DNAH14: variants seen among roughly 807,000 people sequenced by gnomAD.
DNAH14 encodes the protein dynein axonemal heavy chain 14, also known as axonemal beta dynein heavy chain 14.
DNAH14 carries 478 observed loss-of-function variants against 520.9 expected under a neutral mutation model. The observed-to-expected ratio is 0.92, with a 90% CI of 0.85 to 0.99. The LOEUF (loss-of-function observed/expected upper bound fraction) is 0.99, where lower values mean the gene tolerates loss of function less well. Among genes scored for constraint, DNAH14 ranks in the 50% least tolerant of loss-of-function variants. The pLI is 0.00. For missense variants in DNAH14, 4,831 were observed against 5,234.5 expected (o/e 0.92, Z 2.38); for synonymous variants, 1,581 against 1,757.2 (o/e 0.90, Z 2.51).
intron 17 of DNAH14, among the ~76,000 whole-genome samples, chr1:225,074,328 G>T (rs567941968): frequency 2.4e-4 from 37 of 152,196 alleles, no homozygotes; most frequent in Non-Finnish European, 4.6e-4. Flanking sequence ...ACCTCTGTCC[G>T]CTGGAGAACA....
At chr1:225,126,132 C>A (rs1309447335) in intron 27 of DNAH14, among the ~76,000 whole-genome samples, 1 of 152,038 alleles carries the variant, frequency 6.6e-6, no homozygotes, top group Non-Finnish European at 1.5e-5. Flanking sequence ...TTGCAGATCA[C>A]CATAACAGAT....
intron 35 of DNAH14, among the ~76,000 whole-genome samples, chr1:225,164,785 C>T (rs1421619553): frequency 6.6e-6 from 1 of 152,080 alleles, no homozygotes; most frequent in Non-Finnish European, 1.5e-5. Flanking sequence ...CTTTGGTCTT[C>T]CCCACACTTC....
intron 46 of DNAH14, among the ~76,000 whole-genome samples, chr1:225,261,317 A>G (rs1229510010): frequency 2.0e-5 from 3 of 152,140 alleles, no homozygotes; most frequent in Admixed American, 2.0e-4. Context: ...CATTCCTTCT[A>G]TACCTAAGTT....
At chr1:225,282,083 A>G (rs1034183603) in intron 54 of DNAH14, among the ~76,000 whole-genome samples, 5 of 152,248 alleles carry the variant, frequency 3.3e-5, no homozygotes, top group South Asian at 4.1e-4. Context: ...CACGCTAAAT[A>G]TATGTGTAGT....
chr1:225,357,338 G>A (rs1426704467), intron 73 of DNAH14, among the ~76,000 whole-genome samples: 3 of 151,852 alleles, frequency 2.0e-5, no homozygotes, highest in African/African-American at 7.3e-5. Flanking sequence ...TAGTCCTCAA[G>A]GTTAAAATTT....
rs138854881 is a variant in DNAH14, at chr1:225,351,600, G to A, written c.11297-47G>A. ...CTACTTTGTAATGAATAACTAAAAG[G>A]TAAAGGTTTATCTCTTCTAATGTGA... is the stretch of plus-strand genomic sequence containing the variant. On this transcript the variant is annotated intron_variant, in intron 71 of 85. Coordinates refer to ENST00000682510, the MANE Select transcript of DNAH14 (RefSeq NM_001367479.1). 1.7e-3 allele frequency: 2,299 copies of A among 1,383,100 alleles called. 6 individuals carry two copies. The highest frequency in any genetic ancestry group is 6.0e-3 in the African/African-American group (410 of 68,590). 85.7% of individuals were successfully genotyped at this position (1,383,100 alleles called of 1,614,324 possible). A position where few individuals can be genotyped will look rare whatever the true frequency, so the allele number is the denominator to read the frequency against.
intron 17 of DNAH14, among the ~76,000 whole-genome samples, chr1:225,069,994 A>G (rs538158460): frequency 2.0e-4 from 31 of 152,112 alleles, no homozygotes; most frequent in Middle Eastern, 3.2e-3. Context: ...TTATGTCTGT[A>G]GAGGTATTCA....
intron 76 of DNAH14, 81 bp downstream of exon 76, chr1:225,364,975 GT>G (rs753819550): frequency 9.8e-7 from 1 of 1,021,428 alleles, no homozygotes; most frequent in Non-Finnish European, 1.4e-6. Flanking sequence ...AAAACTCTGA[GT>G]TTAAAAGAGA....
chr1:225,109,273 G>A (rs2076307644), intron 23 of DNAH14, among the ~76,000 whole-genome samples: 1 of 151,978 alleles, frequency 6.6e-6, no homozygotes, highest in Admixed American at 6.6e-5. Context: ...ACTCTGATAG[G>A]GACTGCATTG....
intron 37 of DNAH14, among the ~76,000 whole-genome samples, chr1:225,187,422 C>G (rs2084896251): frequency 6.6e-6 from 1 of 151,588 alleles, no homozygotes. Context: ...TTTTTTCTAC[C>G]TTTTGGATGC....
At position 225,153,825 on chromosome 1, in the gene DNAH14, T is replaced by C. The variant is rs748730110; in HGVS notation, c.5272T>C (p.Cys1758Arg). ...MAGTKKREFKCDTSDSLSEAD... is the reference protein window; with the variant it reads ...MAGTKKREFKRDTSDSLSEAD... ...TGGAACGAAGAAACGGGAGTTTAAA[T>C]GGTCAGTTGAATTTTGAATTGTTAG... The change falls in exon 34 of 86, where the codon TGT (cysteine) becomes CGT (arginine). Residue 1758 changes from cysteine (C) to arginine (R), a missense_variant and splice_region_variant. Cys to Arg is a radical substitution (Grantham distance 180). Coordinates refer to ENST00000682510, the MANE Select transcript of DNAH14 (RefSeq NM_001367479.1). 11 of 1,548,890 alleles carry C rather than the reference T, an allele frequency of 7.1e-6. No homozygotes were observed. The highest frequency in any genetic ancestry group is 8.7e-6 in the Non-Finnish European group (10 of 1,145,310).
At position 225,101,008 on chromosome 1, in the gene DNAH14, T is replaced by A. The variant is rs115321788; in HGVS notation, c.3867+124T>A. 994 of 746,120 alleles carry A rather than the reference T, an allele frequency of 1.3e-3. 5 individuals are homozygous for A. In the African/African-American group the frequency reaches 0.016, roughly 12 times the overall value. 46.2% of individuals were successfully genotyped at this position (746,120 alleles called of 1,614,324 possible). A position where few individuals can be genotyped will look rare whatever the true frequency, so the allele number is the denominator to read the frequency against. On this transcript the variant is annotated intron_variant, in intron 23 of 85. Coordinates refer to ENST00000682510, the MANE Select transcript of DNAH14 (RefSeq NM_001367479.1). The stretch of plus-strand genomic sequence containing the variant: ...TTTCTTTATTCTAGCTGCCAACAAT[T>A]TTTTAAACTCTCACTACCTATAGAG...
At chr1:225,148,091 A>C (rs918500453) in intron 31 of DNAH14, among the ~76,000 whole-genome samples, 3 of 152,170 alleles carry the variant, frequency 2.0e-5, no homozygotes, top group African/African-American at 7.2e-5. Flanking sequence ...GCTGCAATGA[A>C]CATACCCAGG....
At chr1:224,976,557 A>G (rs947863976) in intron 8 of DNAH14, among the ~76,000 whole-genome samples, 8 of 152,324 alleles carry the variant, frequency 5.3e-5, no homozygotes, top group African/African-American at 1.9e-4. Context: ...GGCAACCTAC[A>G]AAATGGGAGA....
intron 79 of DNAH14, among the ~76,000 whole-genome samples, chr1:225,379,725 A>G (rs1276534039): frequency 1.3e-5 from 2 of 152,022 alleles, no homozygotes; most frequent in African/African-American, 4.8e-5. Flanking sequence ...GGGTTTTACC[A>G]TGTTGGCCAG....
chr1:225,360,821 C>T lies in DNAH14; in HGVS notation c.11917C>T (p.Gln3973Ter), dbSNP rs2095484430. The change falls in exon 75 of 86, where the codon CAA (glutamine) becomes TAA (stop). Residue 3973 changes from glutamine (Q) to a stop codon, truncating the protein, a stop_gained. Coordinates refer to ENST00000682510, the MANE Select transcript of DNAH14 (RefSeq NM_001367479.1). LOFTEE classifies it high-confidence loss of function. ...LILKALTKTQ[Q>*]WVFLQNCHLA... ...TTTAAAGGCACTAACAAAAACACAA[C>T]AATGGGTCTTCCTCCAGAACTGCCA... 6.4e-7 allele frequency: 1 copy of T among 1,551,706 alleles called. No homozygotes were observed. Among genetic ancestry groups the T allele is most frequent in the East Asian group, 2.4e-5 (1 of 40,922 alleles).
In DNAH14 at chr1:225,069,428, G is replaced by A. The variant is rs115625471; in HGVS notation, c.2425-9779G>A. 4.7e-3 allele frequency among the ~76,000 whole-genome samples: 721 copies of A among 151,980 alleles called. 4 individuals are homozygous for A. Among genetic ancestry groups the A allele is most frequent in the African/African-American group, 0.016 (675 of 41,502 alleles). On this transcript the variant is annotated intron_variant, in intron 17 of 85. Coordinates refer to ENST00000682510, the MANE Select transcript of DNAH14 (RefSeq NM_001367479.1). ...TTTTTAACATGAAGGATGTTGAATC[G>A]CATTAAAGGCATTTTCTGCATCTCT...
At chr1:225,314,632 A>T (rs1047018287) in intron 60 of DNAH14, among the ~76,000 whole-genome samples, 1 of 152,098 alleles carries the variant, frequency 6.6e-6, no homozygotes, top group Non-Finnish European at 1.5e-5. Flanking sequence ...GGTAGGCCTG[A>T]TGGTGACAAA....
chr1:225,348,791 C>A (rs1363039886), intron 71 of DNAH14, among the ~76,000 whole-genome samples: 2 of 152,076 alleles, frequency 1.3e-5, no homozygotes, highest in African/African-American at 4.8e-5. Flanking sequence ...ATGTAAGGTT[C>A]TTCAGAAAAG....
Sources: gnomAD v4.1 joint callset for allele counts (sites outside exome capture counted in the v4.1 genomes callset) on GRCh38, gnomAD v4.1.1 for gene constraint, MANE v1.5 for transcripts, NCBI Gene and HGNC (gene_info 2026-07-23, HGNC 2026-07-21) for gene names.